The following DOK5 variants were observed in gnomAD, a reference collection of about 807,000 sequenced individuals.
DOK5 encodes the protein downstream of tyrosine kinase 5.
In DOK5, 27 loss-of-function variants were observed where a neutral mutation model predicts 43.3. That is an observed-to-expected ratio of 0.62 (90% CI 0.46 to 0.86). The LOEUF (loss-of-function observed/expected upper bound fraction) is 0.86. Ranked by LOEUF, DOK5 falls within the 40% of genes least tolerant of loss-of-function variation. The pLI, the probability that DOK5 is intolerant of heterozygous loss-of-function variation, is 0.00. For missense variants in DOK5, 373 were observed against 392.9 expected (o/e 0.95, Z 0.43); for synonymous variants, 146 against 140.1 (o/e 1.04, Z -0.30).
intron 1 of DOK5, among the ~76,000 whole-genome samples, chr20:54,523,674 C>T (rs1004781802): frequency 2.6e-5 from 4 of 152,180 alleles, no homozygotes; most frequent in Non-Finnish European, 2.9e-5. Context: ...GGCGCAATCT[C>T]GGCTCACTGC....
At chr20:54,641,348 A>G (rs1979100642) in intron 6 of DOK5, among the ~76,000 whole-genome samples, 4 of 152,156 alleles carry the variant, frequency 2.6e-5, no homozygotes. Flanking sequence ...CTTTTTTTCA[A>G]GTTGAATCTC....
chr20:54,644,669 G>GCGCTC (rs1378968242), intron 7 of DOK5, among the ~76,000 whole-genome samples: 1 of 147,370 alleles, frequency 6.8e-6, no homozygotes, highest in Non-Finnish European at 1.5e-5. Context: ...TAGCGCCACT[G>GCGCTC]CACTCCAGCC....
chr20:54,613,627 T>C (rs1986720133), intron 6 of DOK5, among the ~76,000 whole-genome samples: 1 of 152,230 alleles, frequency 6.6e-6, no homozygotes, highest in South Asian at 2.1e-4. Flanking sequence ...ATATATTGTC[T>C]CTTTAAATAT....
At chr20:54,620,493 C>G (rs1246175736) in intron 6 of DOK5, among the ~76,000 whole-genome samples, 1 of 152,190 alleles carries the variant, frequency 6.6e-6, no homozygotes, top group Non-Finnish European at 1.5e-5. Context: ...CCAGCCTCTG[C>G]CTCCCAAAGT....
chr20:54,487,711 G>A (rs1981994076), intron 1 of DOK5, among the ~76,000 whole-genome samples: 1 of 152,112 alleles, frequency 6.6e-6, no homozygotes, highest in Non-Finnish European at 1.5e-5. Flanking sequence ...AAACTCCCAT[G>A]TACCCAATAC....
intron 6 of DOK5, among the ~76,000 whole-genome samples, chr20:54,637,915 G>A (rs772672138): frequency 5.9e-5 from 9 of 152,300 alleles, no homozygotes; most frequent in Middle Eastern, 3.4e-3. Flanking sequence ...AAGGTCAGGA[G>A]ATCAAGACCA....
intron 2 of DOK5, among the ~76,000 whole-genome samples, chr20:54,568,235 T>A (rs1985158254): frequency 6.6e-6 from 1 of 152,260 alleles, no homozygotes; most frequent in African/African-American, 2.4e-5. Context: ...AAACTTTACT[T>A]ATGAAGTGAA....
chr20:54,491,386 A>C (rs958300769), intron 1 of DOK5, among the ~76,000 whole-genome samples: 3 of 152,220 alleles, frequency 2.0e-5, no homozygotes, highest in African/African-American at 7.2e-5. Context: ...ACTCATATTC[A>C]TATATGTCAA....
At chr20:54,643,671 C>A in intron 7 of DOK5, 93 bp downstream of exon 7, 2 of 1,469,454 alleles carry the variant, frequency 1.4e-6, no homozygotes, top group South Asian at 1.3e-5. Flanking sequence ...TGCATGCCAG[C>A]TGGTTAGTGC....
At position 54,481,018 on chromosome 20, in the gene DOK5, A is replaced by G. The variant is rs1342049147; in HGVS notation, c.66+5006A>G. ...TCTATCTATCATCTATCATCTATCTATCTATCATCTATCTATCATCTATCT... is the reference window on the plus strand; with the variant it reads ...TCTATCTATCATCTATCATCTATCTGTCTATCATCTATCTATCATCTATCT... On this transcript the variant is annotated intron_variant, in intron 1 of 7. Coordinates refer to ENST00000262593, the MANE Select transcript of DOK5 (RefSeq NM_018431.5). Among the ~76,000 whole-genome samples the G allele has an allele frequency of 1.8e-4, 16 of 90,286 alleles. No homozygotes were observed. The East Asian group carries it at 2.4e-3, about 13-fold the overall frequency. 59.2% of individuals were successfully genotyped at this position (90,286 alleles called of 152,430 possible).
chr20:54,575,592 C>T (rs1985428757), intron 2 of DOK5, among the ~76,000 whole-genome samples: 1 of 152,162 alleles, frequency 6.6e-6, no homozygotes, highest in Non-Finnish European at 1.5e-5. Context: ...AGGCACCCGC[C>T]ACCATGCCTA....
At chr20:54,583,964 A>G (rs1985717370) in intron 2 of DOK5, among the ~76,000 whole-genome samples, 1 of 148,604 alleles carries the variant, frequency 6.7e-6, no homozygotes, top group Non-Finnish European at 1.5e-5. Context: ...ACATGGCAAA[A>G]CCTTGTCTCT....
chr20:54,620,746 G>A (rs894661631), intron 6 of DOK5, among the ~76,000 whole-genome samples: 45 of 152,076 alleles, frequency 3.0e-4, no homozygotes, highest in African/African-American at 1.1e-3. Context: ...AAGATGATGC[G>A]TACACAAATG....
chr20:54,552,677 G>C (rs1984570639), intron 1 of DOK5, among the ~76,000 whole-genome samples: 1 of 152,018 alleles, frequency 6.6e-6, no homozygotes, highest in Non-Finnish European at 1.5e-5. Context: ...GTTGAAATTT[G>C]AGTAATCCCT....
chr20:54,639,303 C>T (rs950700843), intron 6 of DOK5, among the ~76,000 whole-genome samples: 2 of 152,202 alleles, frequency 1.3e-5, no homozygotes, highest in African/African-American at 4.8e-5. Context: ...TGCAATAGCC[C>T]CTTCTCTACC....
At chr20:54,594,119 C>T (rs1180520354) in intron 5 of DOK5, among the ~76,000 whole-genome samples, 1 of 152,116 alleles carries the variant, frequency 6.6e-6, no homozygotes, top group Non-Finnish European at 1.5e-5. Context: ...TGTAACAAAC[C>T]TGTACATCCT....
chr20:54,632,902 C>T (rs1211746226), intron 6 of DOK5, among the ~76,000 whole-genome samples: 1 of 152,076 alleles, frequency 6.6e-6, no homozygotes, highest in Non-Finnish European at 1.5e-5. Flanking sequence ...CATGGTAAAA[C>T]CTCATCTCCA....
intron 2 of DOK5, among the ~76,000 whole-genome samples, chr20:54,565,604 A>T (rs1985066308): frequency 6.6e-6 from 1 of 152,216 alleles, no homozygotes; most frequent in Non-Finnish European, 1.5e-5. Context: ...AGTCTCTCTA[A>T]CATTGTCTCT....
At chr20:54,483,532 G>A (rs1404207162) in intron 1 of DOK5, among the ~76,000 whole-genome samples, 8 of 152,082 alleles carry the variant, frequency 5.3e-5, no homozygotes, top group Admixed American at 5.2e-4. Context: ...CTGAGTAACA[G>A]GTCAAATATT....
Sources: gnomAD v4.1 joint callset for allele counts (sites outside exome capture counted in the v4.1 genomes callset) on GRCh38, gnomAD v4.1.1 for gene constraint, MANE v1.5 for transcripts, NCBI Gene and HGNC (gene_info 2026-07-23, HGNC 2026-07-21) for gene names.